The following SLC5A5 variants were observed in gnomAD, a reference collection of about 807,000 sequenced individuals.
The protein encoded by SLC5A5 is sodium/iodide cotransporter.
Under a neutral mutation model 68.6 loss-of-function variants are expected in SLC5A5, and 56 were observed. The observed-to-expected ratio is 0.82, with a 90% CI of 0.66 to 1.02. The LOEUF (loss-of-function observed/expected upper bound fraction) is 1.02. Ranked by LOEUF, SLC5A5 falls within the 50% of genes least tolerant of loss-of-function variation. The probability of loss-of-function intolerance (pLI) is 0.00; values close to 1 mark genes in which losing one functional copy is unlikely to be tolerated. For missense variants in SLC5A5, 807 were observed against 859.8 expected, an observed-to-expected ratio of 0.94 and a Z score of 0.77; for synonymous variants, 398 against 373.0, an observed-to-expected ratio of 1.07 and a Z score of -0.77.
At chr19:17,884,101 A>G in intron 12 of SLC5A5, 55 bp downstream of exon 12, 1 of 1,416,592 alleles carries the variant, frequency 7.1e-7, no homozygotes, top group Non-Finnish European at 9.6e-7. Flanking sequence ...GTGATCTTGA[A>G]GGGAAACTTA....
In SLC5A5 at chr19:17,893,707, C is replaced by T; in HGVS notation, c.1768-6C>T. ...GATGGGGTCTCTTTTTCCCACTTTT[C>T]CCCAGGGTCCTGAAGAACTCCCCAC... is the stretch of plus-strand genomic sequence containing the variant. On this transcript the variant is annotated splice_polypyrimidine_tract_variant and splice_region_variant and intron_variant, in intron 14 of 14. Transcript: ENST00000222248. The T allele has an allele frequency of 6.2e-7, 1 of 1,613,354 alleles. No homozygotes were observed. Among genetic ancestry groups the T allele is most frequent in the Non-Finnish European group, 8.5e-7 (1 of 1,179,706 alleles).
chr19:17,874,008 A>T (rs2094300489), intron 1 of SLC5A5, 130 bp from the exon 2 acceptor site: 1 of 719,736 alleles, frequency 1.4e-6, no homozygotes, highest in Non-Finnish European at 2.6e-6. Context: ...CGGGGCCCCC[A>T]CGTGCAAGAA....
At chr19:17,881,914 G>T in intron 8 of SLC5A5, 46 bp from the exon 9 acceptor site, 2 of 1,438,520 alleles carry the variant, frequency 1.4e-6, no homozygotes, top group African/African-American at 1.4e-5. Flanking sequence ...GGTGTGGACG[G>T]TCTCTCCATA....
rs1314482020 is a variant in SLC5A5 at position 17,878,064 on chromosome 19, C to G, written c.940C>G (p.Leu314Val). ...FVFYTDCDPL[L>V]LGRISAPDQY... ...GTTCTACACTGACTGCGACCCTCTC[C>G]TCCTGGGGCGCATCTCTGCCCCAGA... Residue 314 changes from leucine to valine, a missense_variant, in exon 7 of 15, where the codon CTC (leucine) becomes GTC (valine). Physicochemically the swap from Leu to Val is conservative, Grantham distance 32 (BLOSUM62 1). Transcript: ENST00000222248. 3 of 1,612,464 alleles carry G rather than the reference C, an allele frequency of 1.9e-6. No homozygotes were observed.
At chr19:17,890,634 A>C (rs955717766) in intron 13 of SLC5A5, among the ~76,000 whole-genome samples, 2 of 152,120 alleles carry the variant, frequency 1.3e-5, no homozygotes, top group Admixed American at 1.3e-4. Context: ...AACTCTAAGC[A>C]ATCCTATTGC....
intron 7 of SLC5A5, among the ~76,000 whole-genome samples, chr19:17,879,215 C>T (rs1452706262): frequency 1.3e-5 from 2 of 152,052 alleles, no homozygotes; most frequent in South Asian, 2.1e-4. Flanking sequence ...ATAGCTTAAA[C>T]CTGGGAGGCG....
intron 12 of SLC5A5, among the ~76,000 whole-genome samples, chr19:17,887,928 C>T (rs2029985650): frequency 6.6e-6 from 1 of 152,064 alleles, no homozygotes; most frequent in South Asian, 2.1e-4. Flanking sequence ...TTGATGAAGT[C>T]CAATTGATTT....
At chr19:17,889,830 C>T (rs1025676396) in intron 13 of SLC5A5, among the ~76,000 whole-genome samples, 1 of 152,158 alleles carries the variant, frequency 6.6e-6, no homozygotes, top group African/African-American at 2.4e-5. Flanking sequence ...TCTAAAGCTG[C>T]CGGTGACTCC....
chr19:17,873,758 CT>C (rs1468905081), intron 1 of SLC5A5, among the ~76,000 whole-genome samples: 1 of 152,152 alleles, frequency 6.6e-6, no homozygotes, highest in African/African-American at 2.4e-5. Flanking sequence ...TCCGTCCCCC[CT>C]CCCCCCCAAA....
At chr19:17,881,858 AC>A in intron 8 of SLC5A5, 101 bp from the exon 9 acceptor site, 2 of 827,514 alleles carry the variant, frequency 2.4e-6, no homozygotes, top group South Asian at 1.4e-5. Context: ...GGACTGGGTT[AC>A]CCCCACCGTT....
chr19:17,894,102 C>A lies in SLC5A5; in HGVS notation c.*225C>A. On this transcript the variant is annotated 3_prime_UTR_variant, in exon 15 of 15. Coordinates refer to ENST00000222248, the MANE Select transcript of SLC5A5 (RefSeq NM_000453.3). ...GTCCCCAGTATTAGACGCTGCAGCC[C>A]TGACGGCTCCCCCCAAATAAGGCTG... is the stretch of plus-strand genomic sequence containing the variant. The A allele has an allele frequency of 1.8e-6, 1 of 566,604 alleles. No homozygotes were observed. The highest frequency in any genetic ancestry group is 3.1e-6 in the Non-Finnish European group (1 of 319,998). The allele number at this position is 566,604 out of a possible 1,614,324, so 35.1% of individuals were successfully genotyped here.
chr19:17,875,319 G>A (rs1185400163), intron 4 of SLC5A5, among the ~76,000 whole-genome samples: 1 of 151,932 alleles, frequency 6.6e-6, no homozygotes, highest in Non-Finnish European at 1.5e-5. Flanking sequence ...GCGGTGCGTG[G>A]AGATTGCGCC....
chr19:17,881,024 C>T (rs2094319700), intron 8 of SLC5A5, 71 bp downstream of exon 8: 2 of 1,126,812 alleles, frequency 1.8e-6, no homozygotes, highest in Non-Finnish European at 1.4e-6. Context: ...GCCTGCCATC[C>T]CTCTGGGGCA....
chr19:17,875,163 A>T (rs987089086), intron 4 of SLC5A5, among the ~76,000 whole-genome samples: 50 of 151,952 alleles, frequency 3.3e-4, no homozygotes, highest in Non-Finnish European at 7.4e-4. Flanking sequence ...TAAGGTCAGG[A>T]GTTCGAGACC....
intron 1 of SLC5A5, among the ~76,000 whole-genome samples, chr19:17,873,681 G>C (rs895613872): frequency 2.0e-5 from 3 of 152,036 alleles, no homozygotes; most frequent in East Asian, 1.9e-4. Flanking sequence ...GCTTGAACCT[G>C]GGAGGCGGAG....
intron 14 of SLC5A5, among the ~76,000 whole-genome samples, chr19:17,893,050 C>A (rs919521475): frequency 2.6e-5 from 3 of 115,988 alleles, no homozygotes; most frequent in Non-Finnish European, 5.7e-5. Context: ...TTTTATTTTT[C>A]TTTTTTGTTG....
Position 17,883,946 on chromosome 19 carries a change from C to G in SLC5A5, c.1426C>G (p.Leu476Val). The G allele has an allele frequency of 1.3e-6, 2 of 1,562,626 alleles. No individual in the cohort carries two copies. The highest frequency in any genetic ancestry group is 1.7e-6 in the Non-Finnish European group (2 of 1,154,814). The stretch of plus-strand genomic sequence containing the variant: ...ACCCAGCGAGCAGACCATGAGGGTC[C>G]TGCCATCGTCGGCTGCCCGCTGCGT... ...YPPSEQTMRV[L>V]PSSAARCVAL... The change falls in exon 12 of 15, where the codon CTG (leucine) becomes GTG (valine). Residue 476 changes from leucine (L) to valine (V), a missense_variant. Transcript: ENST00000222248.
rs138403890 is a variant in SLC5A5, at chr19:17,884,108, C to G, written c.1526+62C>G. ...TGGATGGTGTGATCTTGAAGGGAAA[C>G]TTACTTGCCCTGCACTCTGTGTAAG... On this transcript the variant is annotated intron_variant, in intron 12 of 14. Transcript: ENST00000222248. 7,905 of 1,339,812 alleles carry G rather than the reference C, an allele frequency of 5.9e-3. 44 individuals carry two copies. The highest frequency in any genetic ancestry group is 6.3e-3 in the Non-Finnish European group (6,139 of 967,792). The allele number at this position is 1,339,812 out of a possible 1,614,324, so 83.0% of individuals were successfully genotyped here.
chr19:17,885,698 A>T (rs1340524198), intron 12 of SLC5A5, among the ~76,000 whole-genome samples: 1 of 151,406 alleles, frequency 6.6e-6, no homozygotes, highest in Non-Finnish European at 1.5e-5. Context: ...CATTTTTATC[A>T]CCCCAGAAAG....
Sources: allele counts gnomAD v4.1 joint callset (sites outside exome capture counted in the v4.1 genomes callset), GRCh38; gene constraint gnomAD v4.1.1; transcripts MANE v1.5; gene names NCBI Gene and HGNC (gene_info 2026-07-23, HGNC 2026-07-21).